Variants in TOX observed in about 807,000 individuals in gnomAD.
TOX encodes the protein thymocyte selection-associated high mobility group box protein TOX.
A neutral mutation model predicts 53.7 loss-of-function variants in TOX; 11 were observed. The observed-to-expected ratio is 0.20, with a 90% CI of 0.13 to 0.34. The LOEUF is 0.34. Among genes scored for constraint, TOX ranks in the 10% least tolerant of loss-of-function variants. The probability of loss-of-function intolerance (pLI) is 1.00; values close to 1 mark genes in which losing one functional copy is unlikely to be tolerated. For synonymous variants in TOX, 225 were observed against 245.3 expected, an observed-to-expected ratio of 0.92 and a Z score of 0.77; for missense variants, 570 against 664.6, an observed-to-expected ratio of 0.86 and a Z score of 1.56.
intron 1 of TOX, among the ~76,000 whole-genome samples, chr8:59,061,186 G>A (rs557536312): frequency 1.4e-4 from 22 of 152,320 alleles, no homozygotes; most frequent in Middle Eastern, 3.4e-3. Flanking sequence ...CCAAATCTGT[G>A]TTTGAGTGTG....
chr8:59,011,421 GGAAAGAA>G (rs1397120356), intron 1 of TOX, among the ~76,000 whole-genome samples: 2 of 152,226 alleles, frequency 1.3e-5, no homozygotes, highest in Non-Finnish European at 2.9e-5. Context: ...GAAAAGCTCT[GGAAAGAA>G]GAAAGAATTG....
intron 1 of TOX, among the ~76,000 whole-genome samples, chr8:58,996,796 C>G (rs2129417764): frequency 6.6e-6 from 1 of 152,290 alleles, no homozygotes; most frequent in South Asian, 2.1e-4. Context: ...ATAGTCACAC[C>G]AGTTTCCTTT....
chr8:58,993,464 G>A (rs1341322370), intron 1 of TOX, among the ~76,000 whole-genome samples: 1 of 152,154 alleles, frequency 6.6e-6, no homozygotes, highest in East Asian at 1.9e-4. Context: ...GCCTAGTCTA[G>A]GAATCATTGC....
Position 59,119,144 on chromosome 8 carries a change from A to G in TOX, c.-157T>C, listed in dbSNP as rs1298006265. Reference sequence around the variant, plus strand: ...TCCGTTTGTGGTTTGTTTAAGAAGAAGAGGAAAAAAAAAAAAAAGAGGGGG... The same window carrying G: ...TCCGTTTGTGGTTTGTTTAAGAAGAGGAGGAAAAAAAAAAAAAAGAGGGGG... On this transcript the variant is annotated 5_prime_UTR_variant, in exon 1 of 9. Transcript: ENST00000361421. 6.7e-6 allele frequency: 3 copies of G among 449,276 alleles called. No homozygotes were observed. The highest frequency in any genetic ancestry group is 7.7e-5 in the East Asian group (2 of 25,952). The allele number at this position is 449,276 out of a possible 1,614,324, so 27.8% of individuals were successfully genotyped here.
chr8:58,967,428 G>C (rs1445871810), intron 1 of TOX, among the ~76,000 whole-genome samples: 1 of 152,122 alleles, frequency 6.6e-6, no homozygotes, highest in African/African-American at 2.4e-5. Flanking sequence ...GATCTGCTCA[G>C]CCTGCCTGAC....
At chr8:58,904,006 A>T (rs1256904809) in intron 3 of TOX, among the ~76,000 whole-genome samples, 1 of 152,228 alleles carries the variant, frequency 6.6e-6, no homozygotes, top group South Asian at 2.1e-4. Flanking sequence ...TGAACCACAC[A>T]AGTACTACCA....
intron 3 of TOX, among the ~76,000 whole-genome samples, chr8:58,881,934 A>C (rs544808789): frequency 2.6e-5 from 4 of 152,216 alleles, no homozygotes; most frequent in Non-Finnish European, 5.9e-5. Flanking sequence ...ACCAGTCCTC[A>C]AAAAGGTGCA....
At position 59,104,689 on chromosome 8, in the gene TOX, CTTTTA is replaced by C. The variant is rs1454656527; in HGVS notation, c.102+14192_102+14196del. Among the ~76,000 whole-genome samples, 8 of 152,194 alleles carry C rather than the reference CTTTTA, an allele frequency of 5.3e-5. No individual in the cohort carries two copies. In the East Asian group the frequency reaches 1.5e-3, roughly 29 times the overall value. On this transcript the variant is annotated intron_variant, in intron 1 of 8. Transcript: ENST00000361421. ...TCAAATAGCCCTATTGTATGTGTGG[CTTTTA>C]TTTTGAGTTATCATAGATCATTTTA...
intron 1 of TOX, among the ~76,000 whole-genome samples, chr8:59,073,438 C>T (rs932922992): frequency 5.9e-5 from 9 of 152,156 alleles, no homozygotes; most frequent in African/African-American, 1.2e-4. Context: ...CAAAGCCACA[C>T]GAAATGCGTT....
intron 3 of TOX, among the ~76,000 whole-genome samples, chr8:58,932,799 T>C (rs115556537): frequency 0.011 from 1,692 of 152,238 alleles, 21 homozygotes; most frequent in African/African-American, 0.038. Context: ...GAGTCCTGTA[T>C]AGCACCTATG....
At chr8:59,009,931 T>G (rs1455964502) in intron 1 of TOX, among the ~76,000 whole-genome samples, 1 of 152,216 alleles carries the variant, frequency 6.6e-6, no homozygotes, top group Non-Finnish European at 1.5e-5. Context: ...TCTGGCCAGC[T>G]GGAAGTAACC....
Position 59,025,925 on chromosome 8 carries a change from C to G in TOX, c.103-65917G>C, listed in dbSNP as rs117222742. 5.9e-3 allele frequency among the ~76,000 whole-genome samples: 896 copies of G among 152,232 alleles called. 6 individuals are homozygous for G. Among genetic ancestry groups the G allele is most frequent in the Non-Finnish European group, 8.6e-3 (586 of 68,020 alleles). ...ACTAACGGAGTTCCAGTCTTGGAGT[C>G]AGTACTCAAAAAGGGTGACTGAATA... On this transcript the variant is annotated intron_variant, in intron 1 of 8. Coordinates refer to ENST00000361421, the MANE Select transcript of TOX (RefSeq NM_014729.3).
chr8:58,940,165 T>G (rs1351379791), intron 2 of TOX, among the ~76,000 whole-genome samples: 28 of 152,238 alleles, frequency 1.8e-4, no homozygotes, highest in Admixed American at 1.8e-3. Context: ...TGAAGATTAC[T>G]TTTATGATTT....
intron 2 of TOX, among the ~76,000 whole-genome samples, chr8:58,957,266 T>A (rs1812725074): frequency 6.6e-6 from 1 of 152,130 alleles, no homozygotes; most frequent in African/African-American, 2.4e-5. Context: ...AAGCACTGAG[T>A]GACCAGCACA....
At chr8:59,084,500 ATAAC>A (rs1451742312) in intron 1 of TOX, among the ~76,000 whole-genome samples, 1 of 152,216 alleles carries the variant, frequency 6.6e-6, no homozygotes, top group Non-Finnish European at 1.5e-5. Context: ...TTCGTAGGTA[ATAAC>A]TTTCTATGCA....
intron 7 of TOX, among the ~76,000 whole-genome samples, chr8:58,809,630 T>C (rs1333936277): frequency 6.6e-6 from 1 of 152,222 alleles, no homozygotes; most frequent in African/African-American, 2.4e-5. Context: ...CTAAAAGAAA[T>C]TCACAGCTTG....
chr8:58,951,190 C>G (rs1015824998), intron 2 of TOX, among the ~76,000 whole-genome samples: 1 of 152,114 alleles, frequency 6.6e-6, no homozygotes. Context: ...AATCCTAGCT[C>G]TAATATTTAC....
chr8:59,010,191 T>A (rs376005884), intron 1 of TOX, among the ~76,000 whole-genome samples: 13 of 152,222 alleles, frequency 8.5e-5, no homozygotes, highest in African/African-American at 3.1e-4. Flanking sequence ...GGAAGCCTGA[T>A]TTTTTCATGA....
intron 1 of TOX, among the ~76,000 whole-genome samples, chr8:59,038,783 C>T (rs1452970671): frequency 2.6e-5 from 4 of 152,208 alleles, no homozygotes; most frequent in Non-Finnish European, 5.9e-5. Context: ...GCACTTTTGA[C>T]TTTTTAAAAA....
Sources: gnomAD v4.1 joint callset for allele counts (sites outside exome capture counted in the v4.1 genomes callset) on GRCh38, gnomAD v4.1.1 for gene constraint, MANE v1.5 for transcripts, NCBI Gene and HGNC (gene_info 2026-07-23, HGNC 2026-07-21) for gene names.